The following SORCS3 variants were observed in gnomAD, a reference collection of about 807,000 sequenced individuals.
SORCS3 encodes sortilin related VPS10 domain containing receptor 3.
SORCS3 carries 57 observed loss-of-function variants against 146.3 expected under a neutral mutation model. The observed-to-expected ratio is 0.39, with a 90% CI of 0.31 to 0.49. The LOEUF (loss-of-function observed/expected upper bound fraction) is 0.49, where lower values mean the gene tolerates loss of function less well. Ranked by LOEUF, SORCS3 falls within the 20% of genes least tolerant of loss-of-function variation. The probability of loss-of-function intolerance (pLI) is 0.92; values close to 1 mark genes in which losing one functional copy is unlikely to be tolerated. For missense variants in SORCS3, 1,341 were observed against 1,575.5 expected (o/e 0.85, Z 2.52); for synonymous variants, 653 against 618.5 (o/e 1.06, Z -0.83).
intron 25 of SORCS3, among the ~76,000 whole-genome samples, chr10:105,258,181 C>T (rs2056941892): frequency 6.6e-6 from 1 of 152,172 alleles, no homozygotes; most frequent in African/African-American, 2.4e-5. Context: ...CCTCCACGCT[C>T]TCTAGAAGGA....
At chr10:104,738,433 G>T (rs2016802137) in intron 1 of SORCS3, among the ~76,000 whole-genome samples, 1 of 152,170 alleles carries the variant, frequency 6.6e-6, no homozygotes, top group Non-Finnish European at 1.5e-5. Flanking sequence ...AGCAGTTTAT[G>T]GATGTAGCCT....
intron 14 of SORCS3, among the ~76,000 whole-genome samples, chr10:105,185,038 CT>C (rs2056466406): frequency 6.6e-6 from 1 of 152,082 alleles, no homozygotes; most frequent in Admixed American, 6.5e-5. Flanking sequence ...TTTTAGATAC[CT>C]TATGTAAGTA....
chr10:105,260,897 A>G (rs2119773463), intron 25 of SORCS3, among the ~76,000 whole-genome samples: 1 of 152,334 alleles, frequency 6.6e-6, no homozygotes, highest in East Asian at 1.9e-4. Context: ...TCCTTTGATG[A>G]GGTAAGAGGG....
intron 4 of SORCS3, among the ~76,000 whole-genome samples, chr10:105,006,741 G>C (rs140936042): frequency 1.6e-3 from 242 of 152,248 alleles, no homozygotes; most frequent in African/African-American, 5.8e-3. Flanking sequence ...TTATCCACTT[G>C]GTTCAAGTTC....
intron 7 of SORCS3, among the ~76,000 whole-genome samples, chr10:105,122,651 G>T (rs1191581577): frequency 1.3e-5 from 2 of 152,214 alleles, no homozygotes; most frequent in East Asian, 3.8e-4. Flanking sequence ...CCTTGTCTTG[G>T]TGAGGAGATA....
At chr10:104,969,303 T>TTGTG (rs59557629) in intron 3 of SORCS3, among the ~76,000 whole-genome samples, 3,485 of 140,600 alleles carry the variant, frequency 0.025, 80 homozygotes, top group African/African-American at 0.057. Context: ...TCAAAAAGGA[T>TTGTG]TGTGTGTGTG....
intron 18 of SORCS3, among the ~76,000 whole-genome samples, chr10:105,215,865 T>C (rs2056661836): frequency 6.6e-6 from 1 of 152,140 alleles, no homozygotes; most frequent in Admixed American, 6.6e-5. Context: ...ATTTCTCTCT[T>C]TATTCTATCA....
At chr10:104,718,199 A>T (rs77649671) in intron 1 of SORCS3, among the ~76,000 whole-genome samples, 2,071 of 152,192 alleles carry the variant, frequency 0.014, 39 homozygotes, top group African/African-American at 0.041. Flanking sequence ...AAAGAAGTGT[A>T]TTTGGCTCAA....
intron 2 of SORCS3, among the ~76,000 whole-genome samples, chr10:104,853,708 A>G (rs1441628800): frequency 6.6e-6 from 1 of 152,250 alleles, no homozygotes; most frequent in Non-Finnish European, 1.5e-5. Flanking sequence ...GTATCTATGC[A>G]TAGAGAGACT....
chr10:105,211,508 C>T (rs1248541179), intron 17 of SORCS3, among the ~76,000 whole-genome samples: 3 of 152,142 alleles, frequency 2.0e-5, no homozygotes, highest in Non-Finnish European at 4.4e-5. Context: ...TTTGGTTAAT[C>T]CTTCTCTTCT....
intron 1 of SORCS3, among the ~76,000 whole-genome samples, chr10:104,812,506 G>T (rs761687815): frequency 6.6e-6 from 1 of 152,140 alleles, no homozygotes; most frequent in Non-Finnish European, 1.5e-5. Context: ...TCTACTTCCA[G>T]CTGGCGATTC....
chr10:105,200,091 A>G lies in SORCS3; in HGVS notation c.2102A>G (p.Tyr701Cys). The G allele has an allele frequency of 6.2e-7, 1 of 1,613,514 alleles. No homozygotes were observed. Among genetic ancestry groups the G allele is most frequent in the East Asian group, 2.2e-5 (1 of 44,862 alleles). Residue 701 changes from tyrosine (Y) to cysteine (C), a missense_variant, in exon 15 of 27, where the codon TAT becomes TGT. Coordinates refer to ENST00000369701, the MANE Select transcript of SORCS3 (RefSeq NM_014978.3). ...IFSRHCTKED[Y>C]QTWHLLNQGE... ...AGCCGGCATTGCACCAAGGAGGACT[A>G]TCAGACCTGGCACCTGCTCAATCAG...
At chr10:105,092,894 C>T (rs1472591703) in intron 6 of SORCS3, among the ~76,000 whole-genome samples, 1 of 152,154 alleles carries the variant, frequency 6.6e-6, no homozygotes, top group African/African-American at 2.4e-5. Flanking sequence ...TGAATGCTTT[C>T]TCCCCGAAGA....
chr10:105,259,777 A>G (rs1053403843), intron 25 of SORCS3, among the ~76,000 whole-genome samples: 2 of 152,134 alleles, frequency 1.3e-5, no homozygotes, highest in Non-Finnish European at 2.9e-5. Context: ...TGCTTTCTCT[A>G]AATTTCCTCC....
rs375515360 is a variant in SORCS3 at position 104,675,463 on chromosome 10, G to T, written c.627+33509G>T. On this transcript the variant is annotated intron_variant, in intron 1 of 26. Transcript: ENST00000369701. ...TTATAAAATCTTTGTCTATTCCAAG[G>T]TCAGGGAGATAGTCTCCTATGTTTT... Among the ~76,000 whole-genome samples the T allele has an allele frequency of 7.9e-5, 12 of 152,158 alleles. No homozygotes were observed. In the South Asian group the frequency reaches 2.5e-3, roughly 32 times the overall value.
At chr10:104,721,584 C>T (rs1292535663) in intron 1 of SORCS3, among the ~76,000 whole-genome samples, 8 of 151,998 alleles carry the variant, frequency 5.3e-5, no homozygotes, top group East Asian at 1.9e-4. Flanking sequence ...GCCATTTTCA[C>T]GATATTGATT....
chr10:105,157,052 A>G, intron 9 of SORCS3, 86 bp from the exon 10 acceptor site: 4 of 1,495,564 alleles, frequency 2.7e-6, no homozygotes, highest in Non-Finnish European at 3.6e-6. Flanking sequence ...ATGCCGTGGG[A>G]AATTCTGCGG....
rs996679835 is a variant in SORCS3 at position 104,777,142 on chromosome 10, A to G, written c.628-65650A>G. ...AGCATCCTTTTGGCCTCACCTTCTC[A>G]TAGTTGGGAGAGTTGGCTGGAAAAT... On this transcript the variant is annotated intron_variant, in intron 1 of 26. Transcript: ENST00000369701. Among the ~76,000 whole-genome samples the G allele has an allele frequency of 3.9e-5, 6 of 152,054 alleles. No homozygotes were observed. In the East Asian group the frequency reaches 1.2e-3, roughly 29 times the overall value.
chr10:105,014,473 A>G (rs2055153777), intron 4 of SORCS3, among the ~76,000 whole-genome samples: 3 of 152,200 alleles, frequency 2.0e-5, no homozygotes, highest in Admixed American at 2.0e-4. Context: ...AAAGATTCCA[A>G]AAATGGTATG....
Sources: allele counts gnomAD v4.1 joint callset (sites outside exome capture counted in the v4.1 genomes callset), GRCh38; gene constraint gnomAD v4.1.1; transcripts MANE v1.5; gene names NCBI Gene and HGNC (gene_info 2026-07-23, HGNC 2026-07-21).